HMGA2: variants seen among roughly 807,000 people sequenced by gnomAD.
HMGA2 encodes high mobility group AT-hook 2, also known as high mobility group protein HMGI-C.
A neutral mutation model predicts 19.1 loss-of-function variants in HMGA2; 8 were observed. The observed-to-expected ratio is 0.42, with a 90% CI of 0.25 to 0.76. The LOEUF (loss-of-function observed/expected upper bound fraction) is 0.76. HMGA2 is among the 30% of genes least tolerant of loss of function. The pLI, the probability that HMGA2 is intolerant of heterozygous loss-of-function variation, is 0.28. For synonymous variants in HMGA2, 60 were observed against 48.8 expected (o/e 1.23, Z -0.96); for missense variants, 109 against 136.3 (o/e 0.80, Z 1.00).
chr12:65,855,590 T>G (rs531489180), intron 3 of HMGA2, among the ~76,000 whole-genome samples: 101 of 152,052 alleles, frequency 6.6e-4, no homozygotes, highest in African/African-American at 2.3e-3. Context: ...AAAAAATGGA[T>G]TTGCAAACAG....
chr12:65,946,339 A>T (rs1157326176), intron 3 of HMGA2, among the ~76,000 whole-genome samples: 1 of 152,204 alleles, frequency 6.6e-6, no homozygotes, highest in African/African-American at 2.4e-5. Context: ...ACTGCCTGGC[A>T]AGAAGCAAAG....
chr12:65,952,529 G>A, intron 4 of HMGA2: 1 of 1,423,102 alleles, frequency 7.0e-7, no homozygotes, highest in Non-Finnish European at 9.2e-7. Context: ...GAGTTACCAT[G>A]AAAAAAATCA....
At chr12:65,872,023 A>C (rs1872734499) in intron 3 of HMGA2, among the ~76,000 whole-genome samples, 1 of 152,190 alleles carries the variant, frequency 6.6e-6, no homozygotes, top group Non-Finnish European at 1.5e-5. Flanking sequence ...TGTTAGACTG[A>C]AGCCAGTCTG....
intron 3 of HMGA2, among the ~76,000 whole-genome samples, chr12:65,896,733 C>T (rs919236327): frequency 1.3e-5 from 2 of 152,184 alleles, no homozygotes; most frequent in African/African-American, 4.8e-5. Flanking sequence ...GCTTCACAGC[C>T]TGCGGGGAGG....
chr12:65,963,158 G>T, intron 4 of HMGA2, 87 bp from the exon 5 acceptor site: 1 of 1,257,244 alleles, frequency 8.0e-7, no homozygotes. Context: ...ATGTGCTGTG[G>T]AAACAGGTTA....
chr12:65,952,576 G>A, intron 4 of HMGA2: 1 of 1,244,392 alleles, frequency 8.0e-7, no homozygotes, highest in Non-Finnish European at 1.0e-6. Context: ...AGCTAAGAGT[G>A]GGAGAGGGGT....
intron 3 of HMGA2, chr12:65,915,653 G>A: frequency 1.6e-6 from 1 of 624,606 alleles, no homozygotes; most frequent in East Asian, 8.5e-5. Context: ...CCCAGCTTCA[G>A]ATGGGCTGCC....
intron 2 of HMGA2, among the ~76,000 whole-genome samples, chr12:65,838,248 G>C (rs540956168): frequency 6.6e-6 from 1 of 152,040 alleles, no homozygotes; most frequent in Non-Finnish European, 1.5e-5. Flanking sequence ...GCATTTTCAT[G>C]TATTTCAGAA....
At chr12:65,877,605 G>A (rs1873115012) in intron 3 of HMGA2, among the ~76,000 whole-genome samples, 1 of 152,130 alleles carries the variant, frequency 6.6e-6, no homozygotes, top group Non-Finnish European at 1.5e-5. Flanking sequence ...CCCCTTTAAT[G>A]TGTAGTGCCC....
At chr12:65,908,838 A>G (rs1001728098) in intron 3 of HMGA2, among the ~76,000 whole-genome samples, 2 of 152,310 alleles carry the variant, frequency 1.3e-5, no homozygotes, top group Non-Finnish European at 2.9e-5. Context: ...CAACTACAGC[A>G]AAAGGCTTTT....
At position 65,828,019 on chromosome 12, in the gene HMGA2, T is replaced by C; in HGVS notation, c.130T>C (p.Ser44Pro). Residue 44 changes from serine (S) to proline (P), a missense_variant, in exon 2 of 5, where the codon TCT (serine) becomes CCT (proline). Coordinates refer to ENST00000403681, the MANE Select transcript of HMGA2 (RefSeq NM_003483.6). ...CAATTAGGAACCAACCGGTGAGCCCTCTCCTAAGAGACCCAGGGGAAGACC... is the reference window on the plus strand; with the variant it reads ...CAATTAGGAACCAACCGGTGAGCCCCCTCCTAAGAGACCCAGGGGAAGACC... ...KQQQEPTGEPSPKRPRGRPKG... is the reference protein window; with the variant it reads ...KQQQEPTGEPPPKRPRGRPKG... 1 of 1,613,250 alleles carries C rather than the reference T, an allele frequency of 6.2e-7. No homozygotes were observed. The highest frequency in any genetic ancestry group is 8.5e-7 in the Non-Finnish European group (1 of 1,179,446).
intron 3 of HMGA2, among the ~76,000 whole-genome samples, chr12:65,880,059 GTATGCAAGTGGT>G (rs1033824850): frequency 7.9e-5 from 12 of 152,226 alleles, no homozygotes; most frequent in African/African-American, 2.9e-4. Flanking sequence ...TTGACCAAAA[GTATGCAAGTGGT>G]TATAAAAAAA....
intron 1 of HMGA2, among the ~76,000 whole-genome samples, chr12:65,827,584 A>G (rs1001877601): frequency 6.6e-6 from 1 of 152,204 alleles, no homozygotes; most frequent in African/African-American, 2.4e-5. Flanking sequence ...AATATCTGTG[A>G]TGGTAGCTTC....
chr12:65,906,422 A>G (rs555732553), intron 3 of HMGA2, among the ~76,000 whole-genome samples: 1 of 152,334 alleles, frequency 6.6e-6, no homozygotes, highest in East Asian at 1.9e-4. Flanking sequence ...AAATGGGTCC[A>G]CAGTAGCCCA....
intron 3 of HMGA2, chr12:65,856,111 T>C (rs1436262752): frequency 2.0e-5 from 3 of 152,196 alleles, no homozygotes; most frequent in Non-Finnish European, 2.9e-5. Context: ...GTTGCTTCCA[T>C]AGCAAACTCC....
chr12:65,830,861 G>A (rs1870445987), intron 2 of HMGA2: 1 of 151,784 alleles, frequency 6.6e-6, no homozygotes, highest in Non-Finnish European at 1.5e-5. Context: ...AATTTCCTAT[G>A]CTTGGAACTT....
At chr12:65,954,620 G>C (rs372166691) in intron 4 of HMGA2, 3 of 152,290 alleles carry the variant, frequency 2.0e-5, no homozygotes, top group African/African-American at 7.2e-5. Flanking sequence ...ACTTGTGTTT[G>C]TGTATACAAG....
intron 3 of HMGA2, among the ~76,000 whole-genome samples, chr12:65,894,769 G>C (rs1874054688): frequency 1.3e-5 from 2 of 152,204 alleles, no homozygotes; most frequent in South Asian, 4.1e-4. Flanking sequence ...CCCCAAGGTA[G>C]AGACTTATTG....
At chr12:65,949,425 G>C (rs201445273) in intron 3 of HMGA2, among the ~76,000 whole-genome samples, 2 of 152,110 alleles carry the variant, frequency 1.3e-5, no homozygotes, top group East Asian at 3.9e-4. Flanking sequence ...CCTAAGTGCT[G>C]TTATTTGGGA....
Sources: gnomAD v4.1 joint callset for allele counts (sites outside exome capture counted in the v4.1 genomes callset) on GRCh38, gnomAD v4.1.1 for gene constraint, MANE v1.5 for transcripts, NCBI Gene and HGNC (gene_info 2026-07-23, HGNC 2026-07-21) for gene names.